Variants in DAB1 observed in about 807,000 individuals in gnomAD.
DAB1 encodes the protein disabled homolog 1.
In DAB1, 15 loss-of-function variants were observed where a neutral mutation model predicts 64.6. That is an observed-to-expected ratio of 0.23 (90% CI 0.16 to 0.36). DAB1 has a LOEUF of 0.36. DAB1 is among the 10% of genes least tolerant of loss of function. The pLI is 1.00. For synonymous variants in DAB1, 235 were observed against 251.9 expected (o/e 0.93, Z 0.64); for missense variants, 596 against 706.7 (o/e 0.84, Z 1.78).
intron 5 of DAB1, among the ~76,000 whole-genome samples, chr1:57,895,731 C>A (rs879821460): frequency 6.6e-6 from 1 of 152,108 alleles, no homozygotes; most frequent in Non-Finnish European, 1.5e-5. Flanking sequence ...TCACTGCCTG[C>A]CATTATGGAG....
At chr1:57,560,979 C>G (rs1645043570) in intron 7 of DAB1, among the ~76,000 whole-genome samples, 1 of 152,146 alleles carries the variant, frequency 6.6e-6, no homozygotes, top group South Asian at 2.1e-4. Flanking sequence ...TGCTTTCTGA[C>G]CCATCTAGCC....
At chr1:57,179,643 T>C (rs1662701259) in intron 2 of DAB1, among the ~76,000 whole-genome samples, 1 of 152,158 alleles carries the variant, frequency 6.6e-6, no homozygotes, top group Non-Finnish European at 1.5e-5. Context: ...GTTTTATTAC[T>C]GAAATCATCA....
At chr1:58,335,494 A>G (rs1318784905) in intron 4 of DAB1, among the ~76,000 whole-genome samples, 1 of 151,914 alleles carries the variant, frequency 6.6e-6, no homozygotes, top group African/African-American at 2.4e-5. Flanking sequence ...GGGTCACTGC[A>G]TTGCACAACT....
intron 5 of DAB1, 35 bp from the exon 6 acceptor site, chr1:57,071,676 A>G (rs1651481155): frequency 1.2e-6 from 2 of 1,604,482 alleles, no homozygotes; most frequent in East Asian, 2.2e-5. Context: ...ATCATAAGGG[A>G]ATGGTACTGA....
At chr1:57,519,000 A>G (rs1166238539) in intron 7 of DAB1, among the ~76,000 whole-genome samples, 1 of 152,092 alleles carries the variant, frequency 6.6e-6, no homozygotes, top group Non-Finnish European at 1.5e-5. Context: ...GTCCTCCCCC[A>G]CTAAAATGTA....
chr1:57,403,387 G>C (rs1187844499), intron 1 of DAB1, among the ~76,000 whole-genome samples: 1 of 152,200 alleles, frequency 6.6e-6, no homozygotes, highest in African/African-American at 2.4e-5. Flanking sequence ...CTGTGGTGTG[G>C]AAACAGTTGA....
At chr1:57,780,923 TTG>T (rs1312252826) in intron 6 of DAB1, among the ~76,000 whole-genome samples, 5 of 151,530 alleles carry the variant, frequency 3.3e-5, no homozygotes, top group African/African-American at 1.2e-4. Flanking sequence ...AGACAGGATT[TTG>T]CCATGTTGGC....
intron 14 of DAB1, among the ~76,000 whole-genome samples, chr1:57,004,182 C>T (rs1276670338): frequency 6.6e-6 from 1 of 152,162 alleles, no homozygotes; most frequent in Non-Finnish European, 1.5e-5. Flanking sequence ...GCTCAGGGTT[C>T]AGACTCCCAT....
chr1:57,724,346 GA>G (rs1647184187), intron 6 of DAB1, among the ~76,000 whole-genome samples: 1 of 133,174 alleles, frequency 7.5e-6, no homozygotes, highest in African/African-American at 2.7e-5. Context: ...GAGGGGAGGG[GA>G]GGGGAAGGGA....
intron 6 of DAB1, among the ~76,000 whole-genome samples, chr1:57,796,013 G>A (rs12127067): frequency 0.16 from 23,878 of 151,388 alleles, 2,381 homozygotes; most frequent in Admixed American, 0.31. Context: ...ATATATGCAC[G>A]CTGTGGTAAA....
At chr1:57,949,942 T>C (rs913521315) in intron 5 of DAB1, among the ~76,000 whole-genome samples, 1 of 152,204 alleles carries the variant, frequency 6.6e-6, no homozygotes, top group African/African-American at 2.4e-5. Flanking sequence ...TGTATAGATA[T>C]CTCCATTTCA....
At chr1:57,693,675 A>C (rs1646791125) in intron 6 of DAB1, among the ~76,000 whole-genome samples, 1 of 152,298 alleles carries the variant, frequency 6.6e-6, no homozygotes, top group African/African-American at 2.4e-5. Context: ...TTGGGTCTGC[A>C]CCACCTTTAA....
At chr1:58,447,436 T>C (rs1645080413) in intron 3 of DAB1, among the ~76,000 whole-genome samples, 1 of 152,192 alleles carries the variant, frequency 6.6e-6, no homozygotes, top group South Asian at 2.1e-4. Context: ...ACCAGTTTTT[T>C]TTCCTATTGA....
At chr1:57,265,257 T>C (rs1478100734) in intron 2 of DAB1, among the ~76,000 whole-genome samples, 1 of 152,188 alleles carries the variant, frequency 6.6e-6, no homozygotes, top group Non-Finnish European at 1.5e-5. Flanking sequence ...CTGCCATCCA[T>C]GTTTCTCATT....
At chr1:57,904,051 T>A (rs1644514577) in intron 5 of DAB1, among the ~76,000 whole-genome samples, 1 of 152,188 alleles carries the variant, frequency 6.6e-6, no homozygotes, top group Non-Finnish European at 1.5e-5. Flanking sequence ...CAATTATGGT[T>A]ATTTCCAGTT....
chr1:58,144,652 C>A (rs1654489669), intron 5 of DAB1, among the ~76,000 whole-genome samples: 1 of 152,196 alleles, frequency 6.6e-6, no homozygotes, highest in Admixed American at 6.5e-5. Context: ...AACATGTAAA[C>A]CCAAGCTCTG....
rs1008090188 is a variant in DAB1, at chr1:57,454,617, C to T, written n.626-163451G>A. ...AATAAACCCATGTGACACGAGTTTACCTATTTAACAAACCTGTACATGTAC... is the reference window on the plus strand; with the variant it reads ...AATAAACCCATGTGACACGAGTTTATCTATTTAACAAACCTGTACATGTAC... On this transcript the variant is annotated intron_variant and non_coding_transcript_variant, in intron 7 of 20. Coordinates refer to the DAB1 transcript ENST00000485760. Among the ~76,000 whole-genome samples, 9 of 152,072 alleles carry T rather than the reference C, an allele frequency of 5.9e-5. No individual in the cohort carries two copies. In the South Asian group the frequency reaches 8.3e-4, roughly 14 times the overall value.
chr1:57,962,592 C>T (rs533514098), intron 5 of DAB1, among the ~76,000 whole-genome samples: 3 of 152,282 alleles, frequency 2.0e-5, no homozygotes, highest in South Asian at 2.1e-4. Flanking sequence ...CAGGAAGAGG[C>T]CAGGTGTGGT....
At chr1:57,173,226 C>T (rs1001831390) in intron 2 of DAB1, among the ~76,000 whole-genome samples, 2 of 151,954 alleles carry the variant, frequency 1.3e-5, no homozygotes, top group Non-Finnish European at 2.9e-5. Context: ...ATTCTAAATG[C>T]CAGAGAAAGA....
Sources: gnomAD v4.1 joint callset for allele counts (sites outside exome capture counted in the v4.1 genomes callset) on GRCh38, gnomAD v4.1.1 for gene constraint, MANE v1.5 for transcripts, NCBI Gene and HGNC (gene_info 2026-07-23, HGNC 2026-07-21) for gene names.